Variants in CLASP1 observed in about 807,000 individuals in gnomAD.
CLASP1 encodes CLIP-associating protein 1.
In CLASP1, 38 loss-of-function variants were observed where a neutral mutation model predicts 192.3. That is an observed-to-expected ratio of 0.20 (90% confidence interval 0.15 to 0.26). The LOEUF (loss-of-function observed/expected upper bound fraction) is 0.26, where lower values mean the gene tolerates loss of function less well. CLASP1 is among the 10% of genes least tolerant of loss of function. The probability of loss-of-function intolerance (pLI) is 1.00; values close to 1 mark genes in which losing one functional copy is unlikely to be tolerated. For synonymous variants in CLASP1, 691 were observed against 712.8 expected, an observed-to-expected ratio of 0.97 and a Z score of 0.49; for missense variants, 1,433 against 1,932.5, an observed-to-expected ratio of 0.74 and a Z score of 4.85.
At chr2:121,339,051 A>T (rs2062573595) in exon 40 of CLASP1, 1 of 152,552 alleles carries the variant, frequency 6.6e-6, no homozygotes, top group Non-Finnish European at 1.5e-5. Flanking sequence ...CAACCCCTTG[A>T]AACGCGTCCC....
intron 2 of CLASP1, among the ~76,000 whole-genome samples, chr2:121,578,761 T>C (rs2060819905): frequency 6.6e-6 from 1 of 151,968 alleles, no homozygotes; most frequent in Non-Finnish European, 1.5e-5. Flanking sequence ...CTCTTTTTGC[T>C]TTTTTACATT....
chr2:121,407,953 C>T (rs1284322697), intron 24 of CLASP1: 4 of 612,500 alleles, frequency 6.5e-6, no homozygotes, highest in South Asian at 1.5e-5. Context: ...TAGTAAAGTG[C>T]GTAGACTTTA....
chr2:121,582,219 A>G (rs2105588239), intron 2 of CLASP1, among the ~76,000 whole-genome samples: 2 of 151,064 alleles, frequency 1.3e-5, no homozygotes, highest in East Asian at 3.9e-4. Flanking sequence ...GAAAAAGGGA[A>G]GTGAGGGAGC....
At chr2:121,506,604 G>A (rs1402531540) in intron 7 of CLASP1, among the ~76,000 whole-genome samples, 1 of 152,162 alleles carries the variant, frequency 6.6e-6, no homozygotes, top group African/African-American at 2.4e-5. Context: ...GCAAGGCTGT[G>A]CACATGCACA....
At chr2:121,375,100 T>C (rs1243756375) in intron 34 of CLASP1, among the ~76,000 whole-genome samples, 5 of 152,262 alleles carry the variant, frequency 3.3e-5, no homozygotes, top group African/African-American at 9.6e-5. Context: ...GGGAGGAACC[T>C]GGTAGGAGGT....
At chr2:121,515,235 C>T (rs972589908) in intron 7 of CLASP1, among the ~76,000 whole-genome samples, 3 of 152,182 alleles carry the variant, frequency 2.0e-5, no homozygotes, top group Admixed American at 6.5e-5. Flanking sequence ...ACATTTAAAA[C>T]ATGATTTCCA....
intron 39 of CLASP1, among the ~76,000 whole-genome samples, chr2:121,345,868 T>A (rs1209406808): frequency 6.6e-6 from 1 of 152,230 alleles, no homozygotes; most frequent in Non-Finnish European, 1.5e-5. Context: ...TATTGGCACA[T>A]GTCGGTATAG....
At chr2:121,628,274 T>C (rs779844534) in intron 1 of CLASP1, among the ~76,000 whole-genome samples, 2 of 152,198 alleles carry the variant, frequency 1.3e-5, no homozygotes, top group Non-Finnish European at 2.9e-5. Context: ...TGCTTCAATA[T>C]TTTTCCAACA....
At chr2:121,547,313 AAAG>A (rs2057546893) in intron 2 of CLASP1, among the ~76,000 whole-genome samples, 1 of 152,106 alleles carries the variant, frequency 6.6e-6, no homozygotes, top group Non-Finnish European at 1.5e-5. Flanking sequence ...TCGGACTAAC[AAAG>A]AAGCACAGAC....
intron 12 of CLASP1, among the ~76,000 whole-genome samples, chr2:121,459,354 C>T (rs963343704): frequency 6.6e-5 from 10 of 152,110 alleles, no homozygotes; most frequent in African/African-American, 9.7e-5. Flanking sequence ...AGCAAACAAA[C>T]TGATTATATA....
At chr2:121,602,063 T>C (rs2063848703) in intron 2 of CLASP1, among the ~76,000 whole-genome samples, 1 of 151,602 alleles carries the variant, frequency 6.6e-6, no homozygotes, top group South Asian at 2.1e-4. Context: ...CAGTACCAGC[T>C]ACTCAGGAGG....
chr2:121,496,586 T>TC (rs34305360), intron 8 of CLASP1, among the ~76,000 whole-genome samples: 66,339 of 152,068 alleles, frequency 0.44, 17,782 homozygotes, highest in African/African-American at 0.76. Flanking sequence ...AAAAGCTGGT[T>TC]CGGTGAAACA....
At chr2:121,566,399 T>C (rs571648541) in intron 2 of CLASP1, among the ~76,000 whole-genome samples, 3 of 152,326 alleles carry the variant, frequency 2.0e-5, no homozygotes, top group Admixed American at 1.3e-4. Context: ...TTAAAAGTAA[T>C]AGTCTGTAAA....
intron 22 of CLASP1, among the ~76,000 whole-genome samples, chr2:121,419,602 T>C (rs1009155341): frequency 2.0e-5 from 3 of 151,190 alleles, no homozygotes; most frequent in African/African-American, 7.3e-5. Context: ...CATTCTCATG[T>C]TATAAAACAC....
At chr2:121,530,979 T>G (rs1390465291) in intron 2 of CLASP1, 2 of 700,432 alleles carry the variant, frequency 2.9e-6, no homozygotes, top group Non-Finnish European at 2.6e-6. Flanking sequence ...CTAGAGCTTT[T>G]GCTTTATTTT....
chr2:121,409,067 G>T, intron 24 of CLASP1: 1 of 1,554,244 alleles, frequency 6.4e-7, no homozygotes, highest in Non-Finnish European at 8.7e-7. Context: ...GGAAAATATT[G>T]AAGGATGGGG....
intron 19 of CLASP1, among the ~76,000 whole-genome samples, chr2:121,436,100 C>G (rs2082262934): frequency 6.6e-6 from 1 of 151,560 alleles, no homozygotes. Context: ...GGTGTGATCT[C>G]AGCTTACTGC....
chr2:121,612,065 TGGA>T (rs545704188), intron 1 of CLASP1, among the ~76,000 whole-genome samples: 42 of 116,474 alleles, frequency 3.6e-4, no homozygotes, highest in African/African-American at 1.3e-3. Context: ...GAAGAGGAAC[TGGA>T]GGAGGAGGAG....
At chr2:121,363,112 T>C in intron 37 of CLASP1, 60 bp downstream of exon 38, 1 of 1,601,544 alleles carries the variant, frequency 6.2e-7, no homozygotes, top group Non-Finnish European at 8.5e-7. Flanking sequence ...TCTATCTCCA[T>C]GTCCAAACTG....
Sources: allele counts gnomAD v4.1 joint callset (sites outside exome capture counted in the v4.1 genomes callset), GRCh38; gene constraint gnomAD v4.1.1; transcripts MANE v1.5; gene names NCBI Gene and HGNC (gene_info 2026-07-23, HGNC 2026-07-21).